GOLGA4: variants seen among roughly 807,000 people sequenced by gnomAD.
GOLGA4 encodes golgin subfamily A member 4.
GOLGA4 carries 169 observed loss-of-function variants against 265.9 expected under a neutral mutation model. That is an observed-to-expected ratio of 0.64 (90% CI 0.56 to 0.72). The LOEUF is 0.72. Among genes scored for constraint, GOLGA4 ranks in the 30% least tolerant of loss-of-function variants. GOLGA4 has a pLI of 0.00. For missense variants in GOLGA4, 2,482 were observed against 2,483.4 expected, an observed-to-expected ratio of 1.00 and a Z score of 0.01; for synonymous variants, 923 against 855.8, an observed-to-expected ratio of 1.08 and a Z score of -1.37.
intron 2 of GOLGA4, chr3:37,276,552 C>CA: frequency 6.3e-7 from 1 of 1,597,946 alleles, no homozygotes; most frequent in Non-Finnish European, 8.6e-7. Context: ...CCAGTGACAA[C>CA]ATTTGTTGTC....
chr3:37,353,605 G>A (rs568392022), intron 21 of GOLGA4, among the ~76,000 whole-genome samples: 1 of 152,112 alleles, frequency 6.6e-6, no homozygotes, highest in South Asian at 2.1e-4. Flanking sequence ...CGGTGCGATC[G>A]TAGTTCACTG....
chr3:37,255,834 C>T (rs1431857971), intron 2 of GOLGA4, among the ~76,000 whole-genome samples: 1 of 151,340 alleles, frequency 6.6e-6, no homozygotes, highest in East Asian at 2.0e-4. Context: ...CACTACGCAG[C>T]TTCAACCTCC....
At chr3:37,267,738 G>A (rs142588033) in intron 2 of GOLGA4, among the ~76,000 whole-genome samples, 23 of 152,318 alleles carry the variant, frequency 1.5e-4, no homozygotes, top group Non-Finnish European at 2.5e-4. Context: ...ATGGAGAAAT[G>A]TGGCAAACAC....
intron 22 of GOLGA4, among the ~76,000 whole-genome samples, chr3:37,360,352 G>C (rs1696155953): frequency 6.6e-6 from 1 of 152,044 alleles, no homozygotes; most frequent in Non-Finnish European, 1.5e-5. Flanking sequence ...ATAGACATAG[G>C]GAACATCCAT....
chr3:37,274,489 C>G (rs1485319351), intron 2 of GOLGA4, among the ~76,000 whole-genome samples: 1 of 151,754 alleles, frequency 6.6e-6, no homozygotes, highest in African/African-American at 2.4e-5. Flanking sequence ...ACCAGGAGTT[C>G]GAGACCAGCC....
intron 8 of GOLGA4, 131 bp from the exon 9 acceptor site, chr3:37,299,157 A>G: frequency 1.1e-6 from 1 of 912,786 alleles, no homozygotes; most frequent in Non-Finnish European, 1.7e-6. Context: ...CATAACACCA[A>G]ACCTTGAGAC....
In GOLGA4 at chr3:37,325,877, C is replaced by T. The variant is rs2096968920; in HGVS notation, c.3991C>T (p.Gln1331Ter). The T allele has an allele frequency of 6.2e-7, 1 of 1,613,466 alleles. No homozygotes were observed. The highest frequency in any genetic ancestry group is 8.5e-7 in the Non-Finnish European group (1 of 1,179,722). ...CTTACAGAAGGAAGGAGGCAATCAG[C>T]AACAGGCTGCTTCTGAAAAGGAGTC... Reference protein sequence around the residue: ...EALQKEGGNQQQAASEKESCI... With the variant: ...EALQKEGGNQ Residue 1331 changes from glutamine to a stop codon, truncating the protein, a stop_gained, in exon 14 of 24, where the codon CAA becomes TAA. Coordinates refer to ENST00000361924, the MANE Select transcript of GOLGA4 (RefSeq NM_002078.5). LOFTEE classifies it high-confidence loss of function.
At chr3:37,263,174 A>G (rs759127931) in intron 2 of GOLGA4, among the ~76,000 whole-genome samples, 4 of 152,200 alleles carry the variant, frequency 2.6e-5, no homozygotes, top group Non-Finnish European at 5.9e-5. Flanking sequence ...ACAGCCACCT[A>G]CGATGTTCAG....
At chr3:37,295,424 G>T (rs112273199) in intron 6 of GOLGA4, among the ~76,000 whole-genome samples, 4 of 152,058 alleles carry the variant, frequency 2.6e-5, no homozygotes, top group Non-Finnish European at 5.9e-5. Flanking sequence ...TCACTATGTC[G>T]CCCAGGCTGG....
intron 15 of GOLGA4, 66 bp from the exon 16 acceptor site, chr3:37,328,897 A>T: frequency 7.8e-7 from 1 of 1,277,556 alleles, no homozygotes; most frequent in Non-Finnish European, 1.1e-6. Flanking sequence ...TGTTACTGAA[A>T]TTGAGATACA....
At chr3:37,314,642 A>AACACAC (rs60890140) in intron 10 of GOLGA4, among the ~76,000 whole-genome samples, 18,441 of 138,904 alleles carry the variant, frequency 0.13, 1,370 homozygotes, top group Non-Finnish European at 0.17. Flanking sequence ...CTCCGTCTCA[A>AACACAC]ACACACACAC....
At position 37,355,163 on chromosome 3, in the gene GOLGA4, G is replaced by C. The variant is rs1406693904; in HGVS notation, c.6639G>C (p.Leu2213Phe). 1 of 1,601,666 alleles carries C rather than the reference G, an allele frequency of 6.2e-7. No individual in the cohort carries two copies. Among genetic ancestry groups the C allele is most frequent in the African/African-American group, 1.3e-5 (1 of 74,616 alleles). The change falls in exon 22 of 24, where the codon TTG (leucine) becomes TTC (phenylalanine). Residue 2213 changes from leucine (L) to phenylalanine (F), a missense_variant. Leu to Phe is a conservative substitution (Grantham distance 22). Around this residue, in one of 3 missense-constraint regions of GOLGA4, gnomAD observed 942 missense variants for 983.1 expected, o/e 0.96. Transcript: ENST00000361924. The stretch of plus-strand genomic sequence containing the variant: ...CTGATGATCAGACTCAGAAAATTTT[G>C]GAAAGAGAAGATGCTCGGCTGATGG... The part of the protein sequence containing the change: ...KFPDDQTQKI[L>F]EREDARLMFT...
chr3:37,356,850 A>AT (rs564923812), intron 22 of GOLGA4, among the ~76,000 whole-genome samples: 125 of 152,284 alleles, frequency 8.2e-4, no homozygotes, highest in Non-Finnish European at 1.1e-3. Flanking sequence ...CTTGATAAAC[A>AT]TCTTGATGTT....
chr3:37,354,654 C>T (rs921657309), intron 21 of GOLGA4, among the ~76,000 whole-genome samples: 1 of 151,964 alleles, frequency 6.6e-6, no homozygotes, highest in Non-Finnish European at 1.5e-5. Context: ...TGAGCATGTT[C>T]ATGTTCATGC....
chr3:37,319,887 T>C (rs1293339550), intron 12 of GOLGA4: 1 of 152,094 alleles, frequency 6.6e-6, no homozygotes, highest in African/African-American at 2.4e-5. Context: ...AAGGAAAAGA[T>C]AGATTAATTG....
intron 14 of GOLGA4, among the ~76,000 whole-genome samples, 176 bp downstream of exon 14, chr3:37,328,001 G>A (rs757999282): frequency 1.3e-4 from 20 of 151,926 alleles, no homozygotes; most frequent in African/African-American, 1.9e-4. Flanking sequence ...TAGGGCAAGT[G>A]GCAGTGTTAT....
intron 5 of GOLGA4, among the ~76,000 whole-genome samples, chr3:37,290,755 A>G (rs1035703770): frequency 2.0e-5 from 3 of 152,182 alleles, no homozygotes; most frequent in Non-Finnish European, 4.4e-5. Context: ...TAGTACTCAG[A>G]AAAGTATGCA....
chr3:37,280,190 G>A (rs1319460969), intron 2 of GOLGA4, among the ~76,000 whole-genome samples: 1 of 152,182 alleles, frequency 6.6e-6, no homozygotes, highest in African/African-American at 2.4e-5. Context: ...TTAATGGTAT[G>A]TCATATATAT....
intron 2 of GOLGA4, among the ~76,000 whole-genome samples, chr3:37,273,178 G>C (rs2096803543): frequency 6.6e-6 from 1 of 152,066 alleles, no homozygotes. Context: ...TCCTTTTCTG[G>C]ATAGTTTTCT....
Sources: allele counts gnomAD v4.1 joint callset (sites outside exome capture counted in the v4.1 genomes callset), GRCh38; gene constraint gnomAD v4.1.1; regional missense constraint gnomAD v4.1.1; transcripts MANE v1.5; gene names NCBI Gene and HGNC (gene_info 2026-07-23, HGNC 2026-07-21).